Variants in ZCCHC2 observed in about 807,000 individuals in gnomAD.
ZCCHC2 encodes the protein zinc finger CCHC-type containing 2, also known as zinc finger CCHC domain-containing protein 2.
In ZCCHC2, 39 loss-of-function variants were observed where a neutral mutation model predicts 103.6. The observed-to-expected ratio is 0.38, with a 90% CI of 0.29 to 0.49. ZCCHC2 has a LOEUF of 0.49. Among genes scored for constraint, ZCCHC2 ranks in the 20% least tolerant of loss-of-function variants. ZCCHC2 has a pLI of 0.96. For missense variants in ZCCHC2, 1,483 were observed against 1,491.0 expected (o/e 0.99, Z 0.09); for synonymous variants, 687 against 608.9 (o/e 1.13, Z -1.89).
intron 12 of ZCCHC2, among the ~76,000 whole-genome samples, chr18:62,572,070 A>AT (rs1300991399): frequency 1.4e-4 from 22 of 151,960 alleles, no homozygotes; most frequent in Admixed American, 1.4e-3. Flanking sequence ...AAATGAGAGG[A>AT]TTTTTTTCGT....
At chr18:62,557,346 A>T (rs972318592) in intron 6 of ZCCHC2, among the ~76,000 whole-genome samples, 2 of 152,164 alleles carry the variant, frequency 1.3e-5, no homozygotes, top group Non-Finnish European at 2.9e-5. Flanking sequence ...CTCTCAAGAG[A>T]GTCATTTTTT....
intron 12 of ZCCHC2, among the ~76,000 whole-genome samples, chr18:62,573,325 CT>C (rs1598965890): frequency 1.3e-5 from 2 of 152,124 alleles, no homozygotes; most frequent in Non-Finnish European, 1.5e-5. Context: ...AGGACATCCC[CT>C]GAAGGCTAGG....
intron 4 of ZCCHC2, 34 bp from the exon 5 acceptor site, chr18:62,550,314 C>T: frequency 6.7e-7 from 1 of 1,495,524 alleles, no homozygotes; most frequent in Non-Finnish European, 9.3e-7. Flanking sequence ...AAGTGAGAAA[C>T]TTAACATTGG....
rs757003671 is a variant in ZCCHC2, at chr18:62,575,557, A to G, written c.3469+7A>G. ...ATGGAGGCCAATCAACAAGGTAATC[A>G]CAATAACTCCCAGAGGACTTGTTTT... is the stretch of plus-strand genomic sequence containing the variant. On this transcript the variant is annotated splice_region_variant and intron_variant, in intron 13 of 13. Coordinates refer to ENST00000269499, the MANE Select transcript of ZCCHC2 (RefSeq NM_017742.6). 3.0e-5 allele frequency: 48 copies of G among 1,610,082 alleles called. No individual in the cohort carries two copies. The highest frequency in any genetic ancestry group is 4.1e-5 in the Non-Finnish European group (48 of 1,177,124).
chr18:62,567,032 A>G (rs554306709), intron 11 of ZCCHC2, among the ~76,000 whole-genome samples: 12 of 152,218 alleles, frequency 7.9e-5, no homozygotes, highest in East Asian at 1.9e-4. Flanking sequence ...GTATTTTTCA[A>G]TTTTATCTAT....
At chr18:62,584,873 C>T (rs989513630) in exon 15 of ZCCHC2, 2 of 152,304 alleles carry the variant, frequency 1.3e-5, no homozygotes, top group Non-Finnish European at 2.9e-5. Context: ...CAGGCCTCTG[C>T]TTGAAGTTGG....
At chr18:62,560,383 A>G in intron 7 of ZCCHC2, 1 of 412,316 alleles carries the variant, frequency 2.4e-6, no homozygotes. Context: ...GTTAGGTGGA[A>G]GACATTTGAG....
chr18:62,554,224 C>T (rs1915785685), intron 5 of ZCCHC2, among the ~76,000 whole-genome samples: 1 of 152,142 alleles, frequency 6.6e-6, no homozygotes, highest in Non-Finnish European at 1.5e-5. Flanking sequence ...AGTAGGTCAT[C>T]ATTTGTGTCT....
intron 6 of ZCCHC2, 107 bp from the exon 7 acceptor site, chr18:62,558,580 A>G: frequency 3.2e-6 from 2 of 617,114 alleles, no homozygotes; most frequent in South Asian, 5.1e-5. Context: ...TGTTTTCTTC[A>G]CCACTCACCC....
chr18:62,550,567 A>C (rs1349892647), intron 5 of ZCCHC2, 107 bp downstream of exon 5: 3 of 768,966 alleles, frequency 3.9e-6, no homozygotes, highest in Non-Finnish European at 6.3e-6. Flanking sequence ...TCTCTGGCGT[A>C]CTTCTTAAAA....
At chr18:62,549,881 G>T (rs1328154836) in intron 4 of ZCCHC2, among the ~76,000 whole-genome samples, 1 of 152,202 alleles carries the variant, frequency 6.6e-6, no homozygotes, top group African/African-American at 2.4e-5. Context: ...ATCTGACATT[G>T]CCTGAGAGTA....
In ZCCHC2 at chr18:62,544,834, A is replaced by G; in HGVS notation, c.1161A>G (p.Val387=). ...VNWSDLSVTT[V]TKTHQELQEF... is the part of the protein sequence containing the mutation. Reference sequence around the variant, plus strand: ...GGTCTGATCTTTCAGTCACAACAGTAACAAAAACCCACCAAGAACTACAGG... The same window carrying G: ...GGTCTGATCTTTCAGTCACAACAGTGACAAAAACCCACCAAGAACTACAGG... The change falls in exon 4 of 14, where the codon GTA becomes GTG. Residue 387 remains valine, a synonymous_variant. Transcript: ENST00000269499. 6.5e-7 allele frequency: 1 copy of G among 1,548,506 alleles called. No homozygotes were observed. Among genetic ancestry groups the G allele is most frequent in the Non-Finnish European group, 8.7e-7 (1 of 1,149,030 alleles).
At chr18:62,573,941 CAT>C (rs1361611343) in intron 12 of ZCCHC2, 114 bp from the exon 13 acceptor site, 348 of 1,085,892 alleles carry the variant, frequency 3.2e-4, no homozygotes, top group Non-Finnish European at 4.3e-4. Context: ...AGTCAGGAAA[CAT>C]AGAGGGACAC....
In ZCCHC2 at chr18:62,577,311, T is replaced by G. The variant is rs1265922921; in HGVS notation, c.*732T>G. The G allele has an allele frequency of 6.6e-6, 1 of 152,336 alleles. No individual in the cohort carries two copies. Among genetic ancestry groups the G allele is most frequent in the Non-Finnish European group, 1.5e-5 (1 of 68,032 alleles). The allele number at this position is 152,336 out of a possible 1,614,324, so 9.4% of individuals were successfully genotyped here. ...TGACGTACGAAATGGACAAAAAGCTTTTTCTGAAACCAACTTTTTACTTCC... is the reference window on the plus strand; with the variant it reads ...TGACGTACGAAATGGACAAAAAGCTGTTTCTGAAACCAACTTTTTACTTCC... On this transcript the variant is annotated 3_prime_UTR_variant, in exon 14 of 14. Coordinates refer to ENST00000269499, the MANE Select transcript of ZCCHC2 (RefSeq NM_017742.6).
In ZCCHC2 at chr18:62,558,781, A is replaced by T; in HGVS notation, c.1492+11A>T. On this transcript the variant is annotated intron_variant, in intron 7 of 13. Transcript: ENST00000269499. ...CAAGTCAAGAAGAAGGTAAAGGTAG[A>T]TTCACTAGAGTAAATCATTCTGCCT... 1 of 1,519,540 alleles carries T rather than the reference A, an allele frequency of 6.6e-7. No homozygotes were observed. Among genetic ancestry groups the T allele is most frequent in the Non-Finnish European group, 8.9e-7 (1 of 1,126,394 alleles). 94.1% of individuals were successfully genotyped at this position (1,519,540 alleles called of 1,614,324 possible). A position where few individuals can be genotyped will look rare whatever the true frequency, so the allele number is the denominator to read the frequency against.
At chr18:62,560,380 G>A in intron 7 of ZCCHC2, 1 of 411,656 alleles carries the variant, frequency 2.4e-6, no homozygotes, top group South Asian at 7.7e-5. Context: ...GCTGTTAGGT[G>A]GAAGACATTT....
In ZCCHC2 at chr18:62,577,623, A is replaced by G. The variant is rs8088581; in HGVS notation, c.*1044A>G. The G allele has an allele frequency of 0.92, 140,815 of 152,676 alleles. 65,115 individuals carry two copies. Among genetic ancestry groups the G allele is most frequent in the East Asian group, 1 (5,176 of 5,184 alleles). 9.5% of individuals were successfully genotyped at this position (152,676 alleles called of 1,614,324 possible). On this transcript the variant is annotated 3_prime_UTR_variant, in exon 14 of 14. Coordinates refer to ENST00000269499, the MANE Select transcript of ZCCHC2 (RefSeq NM_017742.6). ...TTGTTTGTTCCCTAACCTGTCTCTCATAGCAAAGTCACTTTTATAACAGTT... is the reference window on the plus strand; with the variant it reads ...TTGTTTGTTCCCTAACCTGTCTCTCGTAGCAAAGTCACTTTTATAACAGTT...
In ZCCHC2 at chr18:62,546,615, C is replaced by T. The variant is rs569214872; in HGVS notation, c.1200+1742C>T. 1.1e-4 allele frequency among the ~76,000 whole-genome samples: 16 copies of T among 152,274 alleles called. No individual in the cohort carries two copies. In the South Asian group the frequency reaches 2.1e-3, roughly 20 times the overall value. ...GACCAAGTGACTTGGTGCCAGTGTGCGTGTGGGGTCCTGCTTCCCTGTCCC... is the reference window on the plus strand; with the variant it reads ...GACCAAGTGACTTGGTGCCAGTGTGTGTGTGGGGTCCTGCTTCCCTGTCCC... On this transcript the variant is annotated intron_variant, in intron 4 of 13. Coordinates refer to ENST00000269499, the MANE Select transcript of ZCCHC2 (RefSeq NM_017742.6).
chr18:62,538,896 G>A (rs1915047017), intron 1 of ZCCHC2, among the ~76,000 whole-genome samples: 1 of 152,168 alleles, frequency 6.6e-6, no homozygotes, highest in Non-Finnish European at 1.5e-5. Flanking sequence ...TTAAAACCAA[G>A]TTGATTTTGA....
Sources: allele counts gnomAD v4.1 joint callset (sites outside exome capture counted in the v4.1 genomes callset), GRCh38; gene constraint gnomAD v4.1.1; transcripts MANE v1.5; gene names NCBI Gene and HGNC (gene_info 2026-07-23, HGNC 2026-07-21).